C2CD5: variants seen among roughly 807,000 people sequenced by gnomAD.
C2CD5 encodes C2 calcium dependent domain containing 5.
C2CD5 carries 109 observed loss-of-function variants against 130.3 expected under a neutral mutation model. That is an observed-to-expected ratio of 0.84 (90% CI 0.72 to 0.98). The LOEUF (loss-of-function observed/expected upper bound fraction) is 0.98. Among genes scored for constraint, C2CD5 ranks in the 50% least tolerant of loss-of-function variants. The probability of loss-of-function intolerance (pLI) is 0.00; values close to 1 mark genes in which losing one functional copy is unlikely to be tolerated. For missense variants in C2CD5, 996 were observed against 1,261.8 expected (o/e 0.79, Z 3.19); for synonymous variants, 454 against 429.2 (o/e 1.06, Z -0.71).
intron 10 of C2CD5, among the ~76,000 whole-genome samples, chr12:22,502,313 A>G (rs1371542230): frequency 6.6e-6 from 1 of 152,112 alleles, no homozygotes; most frequent in African/African-American, 2.4e-5. Flanking sequence ...CCTATAGAAC[A>G]CTAAATCTAT....
chr12:22,483,872 G>A (rs1319832725), intron 13 of C2CD5, among the ~76,000 whole-genome samples: 3 of 152,114 alleles, frequency 2.0e-5, no homozygotes, highest in Non-Finnish European at 4.4e-5. Context: ...TGTGGAACGC[G>A]TATGAGATGC....
At chr12:22,489,964 C>T (rs1946127467) in intron 12 of C2CD5, among the ~76,000 whole-genome samples, 159 bp downstream of exon 12, 2 of 152,134 alleles carry the variant, frequency 1.3e-5, no homozygotes. Context: ...TCCTCTGTTA[C>T]TACGGGTTAG....
chr12:22,496,215 A>G (rs528122225), intron 10 of C2CD5, among the ~76,000 whole-genome samples: 1 of 152,258 alleles, frequency 6.6e-6, no homozygotes, highest in Non-Finnish European at 1.5e-5. Flanking sequence ...ATTATGATTC[A>G]GCCTATCCTA....
At chr12:22,456,295 A>G (rs1318622116) in intron 25 of C2CD5, among the ~76,000 whole-genome samples, 1 of 152,198 alleles carries the variant, frequency 6.6e-6, no homozygotes, top group Non-Finnish European at 1.5e-5. Context: ...AAATTTCCCT[A>G]TTCACCATAT....
chr12:22,455,835 C>T (rs1939738360), intron 25 of C2CD5, among the ~76,000 whole-genome samples: 2 of 152,084 alleles, frequency 1.3e-5, no homozygotes, highest in Admixed American at 1.3e-4. Flanking sequence ...CAGGCATGTG[C>T]CACCATGCCC....
Position 22,483,604 on chromosome 12 carries a change from T to C in C2CD5, c.1551-861A>G, listed in dbSNP as rs546559371. On this transcript the variant is annotated intron_variant, in intron 13 of 26. Transcript: ENST00000446597. The stretch of plus-strand genomic sequence containing the variant: ...ACCAGCAGACCATCAAAAGAAATAC[T>C]AAAGCGTACATTTAAGGCAAAAGGA... 2.0e-5 allele frequency among the ~76,000 whole-genome samples: 3 copies of C among 152,148 alleles called. No homozygotes were observed. In the East Asian group the frequency reaches 5.8e-4, roughly 29 times the overall value.
At chr12:22,478,276 A>T (rs1944169349) in intron 15 of C2CD5, 37 bp downstream of exon 15, 1 of 1,526,844 alleles carries the variant, frequency 6.5e-7, no homozygotes, top group Non-Finnish European at 9.1e-7. Flanking sequence ...AATAAACAAT[A>T]ACTGATACAT....
At chr12:22,530,111 T>TATATACACACAC (rs1301636778) in intron 3 of C2CD5, among the ~76,000 whole-genome samples, 6 of 87,554 alleles carry the variant, frequency 6.9e-5, no homozygotes, top group African/African-American at 3.8e-4. Flanking sequence ...TATATATATA[T>TATATACACACAC]ACACACACAC....
At chr12:22,527,337 T>A (rs1466371843) in intron 4 of C2CD5, among the ~76,000 whole-genome samples, 5 of 147,270 alleles carry the variant, frequency 3.4e-5, no homozygotes, top group African/African-American at 1.2e-4. Flanking sequence ...TATATTTTTT[T>A]TTTTTTTTTT....
chr12:22,466,459 T>A (rs1942093743), intron 22 of C2CD5, among the ~76,000 whole-genome samples: 1 of 152,184 alleles, frequency 6.6e-6, no homozygotes. Flanking sequence ...CTAACACTCT[T>A]ACCTTCCTCT....
intron 12 of C2CD5, 112 bp downstream of exon 12, chr12:22,489,999 CCTGATTTCTACA>C (rs1591818248): frequency 3.2e-6 from 2 of 626,636 alleles, no homozygotes; most frequent in East Asian, 5.5e-5. Flanking sequence ...AGTGCTTGGT[CCTGATTTCTACA>C]CTGTACCCCT....
At chr12:22,485,876 G>A (rs1299838517) in intron 12 of C2CD5, among the ~76,000 whole-genome samples, 1 of 151,816 alleles carries the variant, frequency 6.6e-6, no homozygotes, top group African/African-American at 2.4e-5. Context: ...AGATCATAAG[G>A]AATCTTCTCT....
intron 4 of C2CD5, among the ~76,000 whole-genome samples, chr12:22,526,130 C>A (rs2137067992): frequency 6.6e-6 from 1 of 152,174 alleles, no homozygotes; most frequent in Non-Finnish European, 1.5e-5. Context: ...GCTTTGTTTC[C>A]TAGTTATTTT....
chr12:22,478,030 C>A, intron 15 of C2CD5: 1 of 316,424 alleles, frequency 3.2e-6, no homozygotes, highest in Non-Finnish European at 6.0e-6. Context: ...CACACACACT[C>A]ACACACACAC....
intron 11 of C2CD5, among the ~76,000 whole-genome samples, chr12:22,491,817 A>G (rs1253348604): frequency 2.6e-5 from 4 of 151,808 alleles, no homozygotes; most frequent in Non-Finnish European, 5.9e-5. Context: ...GGTTGCAGTG[A>G]GCCAAAATCA....
At position 22,449,537 on chromosome 12, in the gene C2CD5, A is replaced by T; in HGVS notation, c.*223T>A. The T allele has an allele frequency of 2.7e-6, 1 of 365,600 alleles. No individual in the cohort carries two copies. The highest frequency in any genetic ancestry group is 4.9e-6 in the Non-Finnish European group (1 of 202,906). The allele number at this position is 365,600 out of a possible 1,614,324, so 22.6% of individuals were successfully genotyped here. A position where few individuals can be genotyped will look rare whatever the true frequency, so the allele number is the denominator to read the frequency against. On this transcript the variant is annotated 3_prime_UTR_variant, in exon 27 of 27. Coordinates refer to ENST00000446597, the MANE Select transcript of C2CD5 (RefSeq NM_001286176.2). ...ACGGTTCTTTTAAAAATTTATCTTA[A>T]CTTACTGAAGGGTCAAGACCCCACA...
rs770549650 is a variant in C2CD5 at position 22,506,704 on chromosome 12, A to C, written c.1147+7T>G. 6.8e-7 allele frequency: 1 copy of C among 1,462,070 alleles called. No homozygotes were observed. The highest frequency in any genetic ancestry group is 1.2e-5 in the South Asian group (1 of 86,114). 90.6% of individuals were successfully genotyped at this position (1,462,070 alleles called of 1,614,324 possible). On this transcript the variant is annotated splice_region_variant and intron_variant, in intron 10 of 26. Transcript: ENST00000446597. The stretch of plus-strand genomic sequence containing the variant: ...AAAGGAAACATTGAAACTTTTTAAG[A>C]ACATACCAGGATTGTGGATACGATC...
chr12:22,510,980 A>C (rs1780537158), intron 9 of C2CD5, among the ~76,000 whole-genome samples: 1 of 152,130 alleles, frequency 6.6e-6, no homozygotes, highest in Non-Finnish European at 1.5e-5. Context: ...TAATTAATTA[A>C]ATATCTATTT....
At chr12:22,528,245 C>T (rs1310288462) in intron 3 of C2CD5, among the ~76,000 whole-genome samples, 1 of 152,076 alleles carries the variant, frequency 6.6e-6, no homozygotes, top group African/African-American at 2.4e-5. Flanking sequence ...CATGTAGTAT[C>T]TATAGAGAGA....
Sources: allele counts gnomAD v4.1 joint callset (sites outside exome capture counted in the v4.1 genomes callset), GRCh38; gene constraint gnomAD v4.1.1; transcripts MANE v1.5; gene names NCBI Gene and HGNC (gene_info 2026-07-23, HGNC 2026-07-21).